Variants in CDYL2 observed in about 807,000 individuals in gnomAD.
CDYL2 encodes chromodomain Y like 2, also known as chromodomain Y-like protein 2.
In CDYL2, 23 loss-of-function variants were observed where a neutral mutation model predicts 49.4. The observed-to-expected ratio is 0.47, with a 90% CI of 0.34 to 0.66. CDYL2 has a LOEUF of 0.66. Ranked by LOEUF, CDYL2 falls within the 30% of genes least tolerant of loss-of-function variation. The probability of loss-of-function intolerance (pLI) is 0.01; values close to 1 mark genes in which losing one functional copy is unlikely to be tolerated. For missense variants in CDYL2, 678 were observed against 656.4 expected, an observed-to-expected ratio of 1.03 and a Z score of -0.36; for synonymous variants, 360 against 268.8, an observed-to-expected ratio of 1.34 and a Z score of -3.32.
In CDYL2 at chr16:80,756,101, A is replaced by G. The variant is rs891618844; in HGVS notation, c.24+48049T>C. Among the ~76,000 whole-genome samples the G allele has an allele frequency of 2.6e-5, 4 of 152,202 alleles. No homozygotes were observed. In the East Asian group the frequency reaches 7.7e-4, roughly 29 times the overall value. ...ACAATCATAAGAAAATTATTAAATG[A>G]TGTTGTCATTAAATAAGAAAGGATA... On this transcript the variant is annotated intron_variant, in intron 1 of 6. Transcript: ENST00000570137.
chr16:80,720,466 T>G (rs1904960314), intron 1 of CDYL2, among the ~76,000 whole-genome samples: 1 of 152,202 alleles, frequency 6.6e-6, no homozygotes, highest in Non-Finnish European at 1.5e-5. Context: ...TTGTCATCAG[T>G]GTCATTTGAC....
chr16:80,779,090 G>A (rs930572668), intron 1 of CDYL2, among the ~76,000 whole-genome samples: 1 of 152,072 alleles, frequency 6.6e-6, no homozygotes, highest in Non-Finnish European at 1.5e-5. Context: ...AGGAAGGAAT[G>A]TAGGAAGAAA....
chr16:80,723,211 G>A (rs2142528125), intron 1 of CDYL2, among the ~76,000 whole-genome samples: 1 of 152,302 alleles, frequency 6.6e-6, no homozygotes, highest in South Asian at 2.1e-4. Context: ...CCATCTCAAG[G>A]CATCTCCTCT....
chr16:80,771,604 C>T (rs1396618620), intron 1 of CDYL2, among the ~76,000 whole-genome samples: 1 of 152,054 alleles, frequency 6.6e-6, no homozygotes, highest in Non-Finnish European at 1.5e-5. Flanking sequence ...TCTTGTGAGG[C>T]TGAGGCAGGA....
chr16:80,662,667 A>T (rs1909095333), intron 2 of CDYL2: 1 of 451,962 alleles, frequency 2.2e-6, no homozygotes, highest in Non-Finnish European at 4.4e-6. Flanking sequence ...TGCATTGTCT[A>T]ATACAGTAGG....
At chr16:80,605,375 A>G (rs1378423472) in intron 6 of CDYL2, among the ~76,000 whole-genome samples, 1 of 148,280 alleles carries the variant, frequency 6.7e-6, no homozygotes, top group East Asian at 1.9e-4. Flanking sequence ...TATGTATAAT[A>G]TATAATTATG....
At position 80,708,111 on chromosome 16, in the gene CDYL2, G is replaced by T. The variant is rs144839625; in HGVS notation, c.25-22982C>A. ...GATGGTAGGTCTAAGGAAAAATCCAGGACTGGGATGGAAGGATAGGAGGAA... is the reference window on the plus strand; with the variant it reads ...GATGGTAGGTCTAAGGAAAAATCCATGACTGGGATGGAAGGATAGGAGGAA... On this transcript the variant is annotated intron_variant, in intron 1 of 6. Transcript: ENST00000570137. 4.7e-3 allele frequency among the ~76,000 whole-genome samples: 713 copies of T among 152,236 alleles called. 4 individuals carry two copies. Among genetic ancestry groups the T allele is most frequent in the Middle Eastern group, 0.014 (4 of 294 alleles).
intron 1 of CDYL2, among the ~76,000 whole-genome samples, chr16:80,771,820 T>G (rs79843982): frequency 0.1 from 15,389 of 151,988 alleles, 877 homozygotes; most frequent in African/African-American, 0.14. Context: ...AGAAAGAGTT[T>G]TAAGACAAAC....
chr16:80,668,946 T>A lies in CDYL2; in HGVS notation c.616+15592A>T, dbSNP rs1486627177. ...ATAAAATTAAAATTAAATGCTTATATTTTCCATACTGTTTGAATTTTTTAC... is the reference window on the plus strand; with the variant it reads ...ATAAAATTAAAATTAAATGCTTATAATTTCCATACTGTTTGAATTTTTTAC... On this transcript the variant is annotated intron_variant, in intron 2 of 6. Transcript: ENST00000570137. 2.0e-5 allele frequency among the ~76,000 whole-genome samples: 3 copies of A among 152,080 alleles called. No individual in the cohort carries two copies. The East Asian group carries it at 5.8e-4, about 29-fold the overall frequency.
intron 2 of CDYL2, among the ~76,000 whole-genome samples, chr16:80,656,662 G>A (rs914211654): frequency 9.9e-5 from 15 of 152,144 alleles, no homozygotes; most frequent in African/African-American, 3.1e-4. Context: ...AAACTCACGT[G>A]CTGACACCGT....
chr16:80,782,879 G>A (rs748065562), intron 1 of CDYL2, among the ~76,000 whole-genome samples: 27 of 151,902 alleles, frequency 1.8e-4, no homozygotes, highest in Non-Finnish European at 3.1e-4. Flanking sequence ...TTAAGAAAAC[G>A]CACAGCTAAC....
At chr16:80,789,075 A>ATCT (rs1287490064) in intron 1 of CDYL2, among the ~76,000 whole-genome samples, 1 of 152,188 alleles carries the variant, frequency 6.6e-6, no homozygotes, top group Non-Finnish European at 1.5e-5. Flanking sequence ...GTGAGATATC[A>ATCT]TCTTAAACCA....
intron 1 of CDYL2, among the ~76,000 whole-genome samples, chr16:80,737,949 A>T (rs1232075912): frequency 6.6e-6 from 1 of 152,142 alleles, no homozygotes; most frequent in East Asian, 1.9e-4. Flanking sequence ...TACATGTGCC[A>T]TGGTGGTTTG....
rs188369297 is a variant in CDYL2 at position 80,776,820 on chromosome 16, A to C, written c.24+27330T>G. ...GGGATGCATACGTATATATTACAAAACTTTTTTTTTTTTTGGAGACAGAGT... is the reference window on the plus strand; with the variant it reads ...GGGATGCATACGTATATATTACAAACCTTTTTTTTTTTTTGGAGACAGAGT... On this transcript the variant is annotated intron_variant, in intron 1 of 6. Coordinates refer to ENST00000570137, the MANE Select transcript of CDYL2 (RefSeq NM_152342.4). 6.4e-3 allele frequency among the ~76,000 whole-genome samples: 967 copies of C among 150,980 alleles called. 17 individuals carry two copies. The highest frequency in any genetic ancestry group is 0.022 in the African/African-American group (898 of 41,110).
intron 1 of CDYL2, among the ~76,000 whole-genome samples, chr16:80,725,689 C>T (rs972944525): frequency 2.6e-5 from 4 of 152,212 alleles, no homozygotes; most frequent in African/African-American, 9.6e-5. Flanking sequence ...CTGAGAAACC[C>T]TAACCCGGAC....
chr16:80,614,170 C>A (rs116497993), intron 4 of CDYL2, among the ~76,000 whole-genome samples: 1,974 of 152,352 alleles, frequency 0.013, 39 homozygotes, highest in African/African-American at 0.045. Flanking sequence ...AGAACAAAGA[C>A]TGCAGAGGTG....
intron 1 of CDYL2, among the ~76,000 whole-genome samples, chr16:80,725,734 G>C (rs1411911364): frequency 6.6e-6 from 1 of 152,192 alleles, no homozygotes; most frequent in East Asian, 1.9e-4. Flanking sequence ...TTTTGCTCCT[G>C]AAAGCCAGCC....
intron 1 of CDYL2, among the ~76,000 whole-genome samples, chr16:80,710,552 T>C (rs141260232): frequency 3.9e-5 from 6 of 152,330 alleles, no homozygotes; most frequent in South Asian, 2.1e-4. Context: ...GAAAAGACTA[T>C]GTAACCAAGT....
intron 1 of CDYL2, among the ~76,000 whole-genome samples, chr16:80,694,164 C>T (rs762442163): frequency 1.3e-5 from 2 of 152,182 alleles, no homozygotes; most frequent in Admixed American, 1.3e-4. Flanking sequence ...ATAAGAAACA[C>T]GCAACCCAAA....
Sources: gnomAD v4.1 joint callset for allele counts (sites outside exome capture counted in the v4.1 genomes callset) on GRCh38, gnomAD v4.1.1 for gene constraint, MANE v1.5 for transcripts, NCBI Gene and HGNC (gene_info 2026-07-23, HGNC 2026-07-21) for gene names.